The following DAGLA variants were observed in gnomAD, a reference collection of about 807,000 sequenced individuals.
DAGLA encodes diacylglycerol lipase alpha.
A neutral mutation model predicts 102.6 loss-of-function variants in DAGLA; 22 were observed. That is an observed-to-expected ratio of 0.21 (90% confidence interval 0.15 to 0.31). DAGLA has a LOEUF of 0.31. DAGLA is among the 10% of genes least tolerant of loss of function. DAGLA has a pLI of 1.00. For synonymous variants in DAGLA, 578 were observed against 628.9 expected (o/e 0.92, Z 1.21); for missense variants, 927 against 1,446.6 (o/e 0.64, Z 5.83).
chr11:61,738,000 C>A, intron 15 of DAGLA, 135 bp from the exon 16 acceptor site: 1 of 743,100 alleles, frequency 1.3e-6, no homozygotes, highest in Non-Finnish European at 2.3e-6. Context: ...GGACACCTCT[C>A]CACCCCGTGA....
intron 1 of DAGLA, among the ~76,000 whole-genome samples, chr11:61,688,146 C>T (rs1040317788): frequency 6.6e-6 from 1 of 152,012 alleles, no homozygotes; most frequent in Non-Finnish European, 1.5e-5. Flanking sequence ...GAAACCCCGT[C>T]TCACTAAAAA....
chr11:61,737,205 C>T lies in DAGLA; in HGVS notation c.1395C>T (p.Gly465=). 4 of 1,613,536 alleles carry T rather than the reference C, an allele frequency of 2.5e-6. No homozygotes were observed. Among genetic ancestry groups the T allele is most frequent in the Non-Finnish European group, 3.4e-6 (4 of 1,180,026 alleles). Residue 465 remains glycine, a synonymous_variant, in exon 14 of 20, where the codon GGC becomes GGT. Coordinates refer to ENST00000257215, the MANE Select transcript of DAGLA (RefSeq NM_006133.3). ...RDLGRGTKHY[G]LIVVGHSLGA... ...AGGGCCGCGGAACCAAACACTACGG[C>T]CTGATTGTGGTGGGCCACTCCCTGG... is the stretch of plus-strand genomic sequence containing the variant.
Position 61,740,450 on chromosome 11 carries a change from A to T in DAGLA, c.1854-13A>T. The T allele has an allele frequency of 6.2e-7, 1 of 1,612,874 alleles. No individual in the cohort carries two copies. Among genetic ancestry groups the T allele is most frequent in the Non-Finnish European group, 8.5e-7 (1 of 1,179,608 alleles). On this transcript the variant is annotated splice_polypyrimidine_tract_variant and intron_variant, in intron 17 of 19. Coordinates refer to ENST00000257215, the MANE Select transcript of DAGLA (RefSeq NM_006133.3). The stretch of plus-strand genomic sequence containing the variant: ...CCCCACCCTTAACTCCCCTCTGTCC[A>T]TGTCCCTCTCAGCTGCTGTGAGCAG...
rs1170965367 is a variant in DAGLA at position 61,735,575 on chromosome 11, C to T, written c.1143C>T (p.Pro381=). Residue 381 remains proline (P), a synonymous_variant, in exon 11 of 20, where the codon CCC becomes CCT. Coordinates refer to ENST00000257215, the MANE Select transcript of DAGLA (RefSeq NM_006133.3). ...CCGCCTCCTAGGTCTATGAAACGCC[C>T]TTCTACGTGGCGGTGGACCATGACA... ...TSCHDAVYET[P]FYVAVDHDKK... is the part of the protein sequence containing the mutation. 2 of 1,614,034 alleles carry T rather than the reference C, an allele frequency of 1.2e-6. No individual in the cohort carries two copies. Among genetic ancestry groups the T allele is most frequent in the East Asian group, 2.2e-5 (1 of 44,872 alleles).
In DAGLA at chr11:61,731,211, C is replaced by T. The variant is rs1196124983; in HGVS notation, c.850-106C>T. On this transcript the variant is annotated intron_variant, in intron 8 of 19. Transcript: ENST00000257215. ...TCAACAGGGGACCAGCAACCCCTCC[C>T]TGCCAGGGGTTGGGTCCGCAGGCTC... 2.8e-6 allele frequency: 4 copies of T among 1,429,694 alleles called. No individual in the cohort carries two copies. In the Admixed American group the frequency reaches 8.0e-5, roughly 29 times the overall value. 88.6% of individuals were successfully genotyped at this position (1,429,694 alleles called of 1,614,324 possible).
Position 61,744,091 on chromosome 11 carries a change from C to T in DAGLA, c.2731C>T (p.Leu911=), listed in dbSNP as rs922019968. ...GGGGGACTCGCCCAGTCCTCAGGTG[C>T]TGGAATTCGCCGAGTTCATCGACAG... is the stretch of plus-strand genomic sequence containing the variant. ...RLGDSPSPQV[L]EFAEFIDSLF... is the part of the protein sequence containing the mutation. Residue 911 remains leucine, a synonymous_variant, in exon 20 of 20, where the codon CTG becomes TTG. Transcript: ENST00000257215. The T allele has an allele frequency of 1.9e-6, 3 of 1,612,810 alleles. No homozygotes were observed. The highest frequency in any genetic ancestry group is 2.5e-6 in the Non-Finnish European group (3 of 1,179,984).
chr11:61,718,038 C>T (rs1388290231), intron 1 of DAGLA, among the ~76,000 whole-genome samples: 1 of 152,068 alleles, frequency 6.6e-6, no homozygotes, highest in Non-Finnish European at 1.5e-5. Flanking sequence ...GTTAGCTATC[C>T]TGGGTTCCAT....
At chr11:61,690,357 C>G (rs1160221319) in intron 1 of DAGLA, among the ~76,000 whole-genome samples, 1 of 152,166 alleles carries the variant, frequency 6.6e-6, no homozygotes, top group African/African-American at 2.4e-5. Context: ...AAGCCTTGTG[C>G]CTGGAGCTGG....
chr11:61,720,951 C>A, intron 3 of DAGLA, 61 bp downstream of exon 3: 1 of 1,499,486 alleles, frequency 6.7e-7, no homozygotes, highest in South Asian at 1.2e-5. Flanking sequence ...ATTCACTCAG[C>A]CAGTATTTAC....
chr11:61,729,210 A>G (rs198416), intron 8 of DAGLA, among the ~76,000 whole-genome samples: 39,694 of 152,046 alleles, frequency 0.26, 5,376 homozygotes, highest in East Asian at 0.46. Context: ...TTCGACAGAC[A>G]AATCCCCTGA....
chr11:61,731,171 C>A, intron 8 of DAGLA, 146 bp from the exon 9 acceptor site: 2 of 845,536 alleles, frequency 2.4e-6, no homozygotes, highest in Non-Finnish European at 3.6e-6. Context: ...TCCTCCAAGG[C>A]CTGGGCCCCA....
At chr11:61,706,039 C>G (rs1353219058) in intron 1 of DAGLA, among the ~76,000 whole-genome samples, 1 of 152,220 alleles carries the variant, frequency 6.6e-6, no homozygotes, top group Non-Finnish European at 1.5e-5. Flanking sequence ...CAGAAGCGTG[C>G]TACCAAATGG....
intron 1 of DAGLA, among the ~76,000 whole-genome samples, chr11:61,696,697 C>G (rs1336333635): frequency 1.3e-5 from 2 of 152,150 alleles, no homozygotes; most frequent in Non-Finnish European, 2.9e-5. Flanking sequence ...GTAGTCCCTT[C>G]CCCTAGCAAG....
Position 61,743,704 on chromosome 11 carries a change from A to G in DAGLA, c.2344A>G (p.Ser782Gly), listed in dbSNP as rs1364585850. 1.2e-6 allele frequency: 2 copies of G among 1,605,602 alleles called. No homozygotes were observed. The highest frequency in any genetic ancestry group is 1.7e-5 in the Admixed American group (1 of 59,784). The part of the protein sequence containing the change: ...ARRAPLATME[S>G]LSDTESLYSF... ...GCGGGCACCACTGGCCACCATGGAG[A>G]GCCTCTCGGACACTGAGTCCCTGTA... The change falls in exon 20 of 20, where the codon AGC (serine) becomes GGC (glycine). Residue 782 changes from serine (S) to glycine (G), a missense_variant. Physicochemically the swap from Ser to Gly is moderately conservative, Grantham distance 56. Coordinates refer to ENST00000257215, the MANE Select transcript of DAGLA (RefSeq NM_006133.3).
intron 1 of DAGLA, among the ~76,000 whole-genome samples, chr11:61,698,223 A>G (rs1200022233): frequency 6.6e-6 from 1 of 152,212 alleles, no homozygotes; most frequent in African/African-American, 2.4e-5. Flanking sequence ...GGGTCAGGGC[A>G]GGCAGGCAGG....
intron 1 of DAGLA, among the ~76,000 whole-genome samples, chr11:61,692,491 G>A (rs749226255): frequency 2.6e-5 from 4 of 152,086 alleles, no homozygotes; most frequent in Non-Finnish European, 4.4e-5. Context: ...ATTGCTGGGC[G>A]GGGCCTGGGA....
chr11:61,738,147 T>C lies in DAGLA; in HGVS notation c.1596T>C (p.Ser532=), dbSNP rs764415061. The change falls in exon 16 of 20, where the codon TCT becomes TCC. Residue 532 remains serine (S), a synonymous_variant. Transcript: ENST00000257215. ...GTTCCCTCCCCAGGATTGGCCTCTC[T>C]CAGCTGGAAGGCTTCCGCAGACAGC... The part of the protein sequence containing the change: ...GKDLVPRIGL[S]QLEGFRRQLL... 5 of 1,613,508 alleles carry C rather than the reference T, an allele frequency of 3.1e-6. No homozygotes were observed. The South Asian group carries it at 5.5e-5, about 18-fold the overall frequency.
chr11:61,737,831 C>T, intron 15 of DAGLA, 76 bp downstream of exon 15: 45 of 1,246,378 alleles, frequency 3.6e-5, no homozygotes, highest in Non-Finnish European at 4.9e-5. Context: ...CACCCCCAGC[C>T]CCCGCATCTC....
chr11:61,731,178 C>A lies in DAGLA; in HGVS notation c.850-139C>A. ...AGTGTCCTTCCTCCAAGGCCTGGGC[C>A]CCACACCTCAACAGGGGACCAGCAA... On this transcript the variant is annotated intron_variant, in intron 8 of 19. Transcript: ENST00000257215. 3.1e-6 allele frequency: 3 copies of A among 954,934 alleles called. No homozygotes were observed. In the South Asian group the frequency reaches 5.0e-5, roughly 16 times the overall value. The allele number at this position is 954,934 out of a possible 1,614,324, so 59.2% of individuals were successfully genotyped here. A position where few individuals can be genotyped will look rare whatever the true frequency, so the allele number is the denominator to read the frequency against.
Sources: allele counts gnomAD v4.1 joint callset (sites outside exome capture counted in the v4.1 genomes callset), GRCh38; gene constraint gnomAD v4.1.1; transcripts MANE v1.5; gene names NCBI Gene and HGNC (gene_info 2026-07-23, HGNC 2026-07-21).